Variants in IDO2 observed in about 807,000 individuals in gnomAD.
The protein encoded by IDO2 is indoleamine 2,3-dioxygenase-like 1 protein.
IDO2 carries 46 observed loss-of-function variants against 45.1 expected under a neutral mutation model. That is an observed-to-expected ratio of 1.02 (90% CI 0.80 to 1.30). The LOEUF is 1.30. IDO2 is among the 50% of genes most tolerant of loss of function. The pLI is 0.00. For missense variants in IDO2, 544 were observed against 491.8 expected, an observed-to-expected ratio of 1.11 and a Z score of -1.00; for synonymous variants, 218 against 184.9, an observed-to-expected ratio of 1.18 and a Z score of -1.45.
At position 39,979,084 on chromosome 8, in the gene IDO2, C is replaced by A; in HGVS notation, c.213C>A (p.Cys71Ter). 6.3e-7 allele frequency: 1 copy of A among 1,591,352 alleles called. No individual in the cohort carries two copies. Among genetic ancestry groups the A allele is most frequent in the Non-Finnish European group, 8.6e-7 (1 of 1,169,230 alleles). ...ATGAACAGATGCCCCTGCTGAGCTG[C>A]CAGTTCCTGAAGGGTCACCGGGAGC... The change falls in exon 4 of 11, where the codon TGC becomes TGA. Residue 71 changes from cysteine to a stop codon, truncating the protein, a stop_gained. Coordinates refer to ENST00000502986, the Ensembl canonical transcript of IDO2. LOFTEE classifies it high-confidence loss of function.
intron 2 of IDO2, among the ~76,000 whole-genome samples, chr8:39,953,964 G>A (rs1274562093): frequency 6.6e-6 from 1 of 152,120 alleles, no homozygotes; most frequent in East Asian, 1.9e-4. Flanking sequence ...TTTTGAGATC[G>A]ATTGCCATCT....
chr8:39,935,680 C>A (rs748439507), intron 1 of IDO2, among the ~76,000 whole-genome samples: 1 of 152,152 alleles, frequency 6.6e-6, no homozygotes, highest in Non-Finnish European at 1.5e-5. Context: ...AAACTCCTGA[C>A]CTCAAGTGAT....
At chr8:39,980,086 G>C (rs1352147092) in intron 4 of IDO2, among the ~76,000 whole-genome samples, 1 of 152,166 alleles carries the variant, frequency 6.6e-6, no homozygotes, top group Non-Finnish European at 1.5e-5. Flanking sequence ...TGCCTCCTGT[G>C]CTGGGATTAC....
At chr8:39,934,923 G>A in exon 1 of IDO2, 1 of 584,210 alleles carries the variant, frequency 1.7e-6, no homozygotes, top group Non-Finnish European at 3.1e-6. Context: ...TGTCTGCAAA[G>A]TTGAGTCCAT....
In IDO2 at chr8:40,013,560, C is replaced by A; in HGVS notation, c.720-5C>A. ...TTTCATCTCTCTCACTTTTCTCTTG[C>A]TTAGATGGAAAGACAACCCAGCAAT... On this transcript the variant is annotated splice_polypyrimidine_tract_variant and splice_region_variant and intron_variant, in intron 9 of 10. Transcript: ENST00000502986. The A allele has an allele frequency of 6.2e-7, 1 of 1,611,666 alleles. No individual in the cohort carries two copies. Among genetic ancestry groups the A allele is most frequent in the Admixed American group, 1.7e-5 (1 of 59,456 alleles).
intron 1 of IDO2, among the ~76,000 whole-genome samples, chr8:39,937,251 T>C (rs1165305930): frequency 6.6e-6 from 1 of 152,226 alleles, no homozygotes; most frequent in Non-Finnish European, 1.5e-5. Flanking sequence ...GGTGGGATTA[T>C]ATTCCAACAG....
intron 10 of IDO2, 26 bp from the exon 11 acceptor site, chr8:40,015,221 A>G (rs763027626): frequency 7.8e-7 from 1 of 1,285,686 alleles, no homozygotes; most frequent in East Asian, 2.3e-5. Flanking sequence ...TGGAGCTATG[A>G]CGTTATGCTG....
chr8:39,965,480 CTG>C (rs1157201426), intron 3 of IDO2, among the ~76,000 whole-genome samples: 1 of 151,794 alleles, frequency 6.6e-6, no homozygotes, highest in African/African-American at 2.4e-5. Flanking sequence ...GAGTGAGACT[CTG>C]TCTCAAAAAA....
At chr8:40,001,112 C>T (rs947074066) in intron 8 of IDO2, among the ~76,000 whole-genome samples, 5 of 152,022 alleles carry the variant, frequency 3.3e-5, no homozygotes, top group African/African-American at 7.3e-5. Context: ...TGATTATAGG[C>T]GTGTGCCACT....
At chr8:39,999,184 C>T (rs2543078) in intron 8 of IDO2, among the ~76,000 whole-genome samples, 2,826 of 151,510 alleles carry the variant, frequency 0.019, 78 homozygotes, top group African/African-American at 0.065. Flanking sequence ...GTCGGTTTAT[C>T]TTTCTCCCCT....
intron 3 of IDO2, among the ~76,000 whole-genome samples, chr8:39,969,910 G>C (rs142747110): frequency 0.011 from 1,731 of 151,592 alleles, 14 homozygotes; most frequent in Middle Eastern, 0.02. Context: ...AGCTAGAAAT[G>C]ATTAAGCTTG....
At chr8:39,979,357 A>T (rs540995643) in intron 4 of IDO2, among the ~76,000 whole-genome samples, 171 bp downstream of exon 4, 4,620 of 144,666 alleles carry the variant, frequency 0.032, 75 homozygotes, top group Middle Eastern at 0.092. Flanking sequence ...TATTATTATT[A>T]TTTTTTTATT....
exon 11 of IDO2, chr8:40,015,540 A>G (rs1802374923): frequency 6.2e-7 from 1 of 1,613,874 alleles, no homozygotes; most frequent in South Asian, 1.1e-5. Context: ...AACCGCAGTT[A>G]TGAGCTTTCT....
At chr8:40,007,309 T>G (rs2129595420) in intron 9 of IDO2, among the ~76,000 whole-genome samples, 1 of 152,098 alleles carries the variant, frequency 6.6e-6, no homozygotes, top group East Asian at 1.9e-4. Context: ...ATACTAAGTA[T>G]TTTCTCCAGA....
chr8:39,947,309 A>G (rs1282921939), intron 1 of IDO2, among the ~76,000 whole-genome samples: 1 of 152,178 alleles, frequency 6.6e-6, no homozygotes, highest in Admixed American at 6.5e-5. Flanking sequence ...CTTCTCTTAG[A>G]AGCAAAATTT....
intron 4 of IDO2, 32 bp downstream of exon 4, chr8:39,979,218 C>G: frequency 6.4e-7 from 1 of 1,556,844 alleles, no homozygotes; most frequent in Non-Finnish European, 8.7e-7. Context: ...CTCCTGTTAC[C>G]CGGCAGGTTA....
intron 3 of IDO2, among the ~76,000 whole-genome samples, chr8:39,965,518 A>G (rs1218797117): frequency 6.6e-6 from 1 of 151,806 alleles, no homozygotes; most frequent in Non-Finnish European, 1.5e-5. Flanking sequence ...AAACAAATAT[A>G]TATATATTAA....
chr8:39,970,432 C>G (rs979003834), intron 3 of IDO2, among the ~76,000 whole-genome samples: 2 of 152,136 alleles, frequency 1.3e-5, no homozygotes, highest in African/African-American at 4.8e-5. Context: ...TGCTCTGTCC[C>G]CCAGGCTGGA....
At chr8:39,978,985 C>T (rs557530393) in intron 3 of IDO2, 82 bp from the exon 4 acceptor site, 2 of 1,389,158 alleles carry the variant, frequency 1.4e-6, no homozygotes, top group Non-Finnish European at 2.0e-6. Flanking sequence ...GGTCCCTTCA[C>T]ATCCCAGGTC....
Sources: allele counts gnomAD v4.1 joint callset (sites outside exome capture counted in the v4.1 genomes callset), GRCh38; gene constraint gnomAD v4.1.1; transcripts MANE v1.5; gene names NCBI Gene and HGNC (gene_info 2026-07-23, HGNC 2026-07-21).